Variants in BCAT2 observed in about 807,000 individuals in gnomAD.
BCAT2 encodes branched-chain-amino-acid aminotransferase, mitochondrial.
A neutral mutation model predicts 52.9 loss-of-function variants in BCAT2; 44 were observed. The observed-to-expected ratio is 0.83, with a 90% CI of 0.65 to 1.07. The LOEUF (loss-of-function observed/expected upper bound fraction) is 1.07. BCAT2 is among the 50% of genes least tolerant of loss of function. The pLI, the probability that BCAT2 is intolerant of heterozygous loss-of-function variation, is 0.00. For synonymous variants in BCAT2, 215 were observed against 217.1 expected (o/e 0.99, Z 0.08); for missense variants, 478 against 521.8 (o/e 0.92, Z 0.82).
intron 3 of BCAT2, among the ~76,000 whole-genome samples, chr19:48,803,033 C>T (rs866339184): frequency 6.6e-6 from 1 of 151,860 alleles, no homozygotes; most frequent in Non-Finnish European, 1.5e-5. Context: ...TGTCTTTGCA[C>T]AAGATTTAAA....
rs767981357 is a variant in BCAT2, at chr19:48,800,309, C to T, written c.301-12G>A. On this transcript the variant is annotated splice_polypyrimidine_tract_variant and intron_variant, in intron 3 of 10. Transcript: ENST00000316273. ...ATGCCCTCAAACAGCTGCGGGGACA[C>T]GCGGGTGGGGAGGCTCAGAGACTTC... is the stretch of plus-strand genomic sequence containing the variant. 168 of 1,611,698 alleles carry T rather than the reference C, an allele frequency of 1.0e-4. No individual in the cohort carries two copies. Among genetic ancestry groups the T allele is most frequent in the Non-Finnish European group, 1.3e-4 (152 of 1,179,442 alleles).
rs764427920 is a variant in BCAT2, at chr19:48,796,658, C to G, written c.985G>C (p.Glu329Gln). Residue 329 changes from glutamate to glutamine, a missense_variant, in exon 9 of 11, where the codon GAG (glutamate) becomes CAG (glutamine). Glu to Gln is a conservative substitution (Grantham distance 29, BLOSUM62 2). Transcript: ENST00000316273. ...CCAAAGACTTCCCGCACGCGGCCCT[C>G]CTCCAGGGCCCGCAGCAACTGCTTC... ...TMKQLLRALE[E>Q]GRVREVFGSG... 1 of 1,613,670 alleles carries G rather than the reference C, an allele frequency of 6.2e-7. No individual in the cohort carries two copies. Among genetic ancestry groups the G allele is most frequent in the Non-Finnish European group, 8.5e-7 (1 of 1,180,022 alleles).
Position 48,807,410 on chromosome 19 carries a change from G to C in BCAT2, c.25-336C>G, listed in dbSNP as rs1568511547. 4.1e-6 allele frequency: 1 copy of C among 242,844 alleles called. No homozygotes were observed. The highest frequency in any genetic ancestry group is 1.2e-4 in the East Asian group (1 of 8,100). The allele number at this position is 242,844 out of a possible 1,614,324, so 15.0% of individuals were successfully genotyped here. A position where few individuals can be genotyped will look rare whatever the true frequency, so the allele number is the denominator to read the frequency against. ...AGGGAAGGCACACAGGTAAGTGAAG[G>C]CCTCCGGGTACCCAAGTGCTGACAG... On this transcript the variant is annotated intron_variant, in intron 1 of 10. Coordinates refer to ENST00000316273, the MANE Select transcript of BCAT2 (RefSeq NM_001190.4). The surrounding 1 kb of genome is among the most constrained non-coding windows in gnomAD (Gnocchi z 4.6).
chr19:48,809,215 G>A (rs925121036), intron 1 of BCAT2, among the ~76,000 whole-genome samples: 6 of 151,840 alleles, frequency 4.0e-5, no homozygotes, highest in Admixed American at 1.3e-4. Flanking sequence ...ACAGTGAGCC[G>A]AGATCGTGCC....
At chr19:48,804,784 T>C (rs529723561) in intron 3 of BCAT2, among the ~76,000 whole-genome samples, 9 of 152,248 alleles carry the variant, frequency 5.9e-5, no homozygotes, top group African/African-American at 1.9e-4. Context: ...GGACAACTGC[T>C]GTGCTGGGCT....
chr19:48,803,674 C>T (rs1344788971), intron 3 of BCAT2, among the ~76,000 whole-genome samples: 1 of 151,934 alleles, frequency 6.6e-6, no homozygotes, highest in African/African-American at 2.4e-5. Context: ...ATGGTGAAAC[C>T]CCATCCCTAT....
At chr19:48,798,638 T>C (rs1034979937) in intron 6 of BCAT2, among the ~76,000 whole-genome samples, 1 of 151,886 alleles carries the variant, frequency 6.6e-6, no homozygotes, top group East Asian at 1.9e-4. Flanking sequence ...TTCTTTTTTT[T>C]TTTTGAGATG....
chr19:48,810,913 G>A (rs1036051626), intron 1 of BCAT2, 71 bp downstream of exon 1: 3 of 1,573,832 alleles, frequency 1.9e-6, no homozygotes, highest in Non-Finnish European at 2.6e-6. Context: ...CCGGCTGCAG[G>A]CCAGTGGTCT....
At position 48,807,266 on chromosome 19, in the gene BCAT2, A is replaced by G; in HGVS notation, c.25-192T>C. On this transcript the variant is annotated intron_variant, in intron 1 of 10. Transcript: ENST00000316273. This position sits in a 1 kb window ranked among gnomAD's most constrained non-coding sequence, Gnocchi z 4.6. ...CCCTGCCCTGACGAGGGCTCGCTGG[A>G]AAGAGCTGAGTCAGCTCCCGCCCCC... 1.8e-6 allele frequency: 1 copy of G among 549,910 alleles called. No individual in the cohort carries two copies. The highest frequency in any genetic ancestry group is 3.2e-6 in the Non-Finnish European group (1 of 311,818). The allele number at this position is 549,910 out of a possible 1,614,324, so 34.1% of individuals were successfully genotyped here.
chr19:48,795,262 T>TAG lies in BCAT2; in HGVS notation c.*163_*164insCT, dbSNP rs2034474594. 3.4e-6 allele frequency: 3 copies of TAG among 884,538 alleles called. No individual in the cohort carries two copies. The East Asian group carries it at 7.9e-5, about 23-fold the overall frequency. 54.8% of individuals were successfully genotyped at this position (884,538 alleles called of 1,614,324 possible). A position where few individuals can be genotyped will look rare whatever the true frequency, so the allele number is the denominator to read the frequency against. On this transcript the variant is annotated 3_prime_UTR_variant, in exon 11 of 11. Coordinates refer to ENST00000316273, the MANE Select transcript of BCAT2 (RefSeq NM_001190.4). ...GGGCCAAGATGCCTGGGTCGGCCCT[T>TAG]ACGGCTTTGGGAGTGTCGCAACCAC...
At chr19:48,797,805 TC>T (rs2034563041) in intron 6 of BCAT2, among the ~76,000 whole-genome samples, 1 of 143,914 alleles carries the variant, frequency 6.9e-6, no homozygotes, top group Non-Finnish European at 1.5e-5. Flanking sequence ...TTTCTTTTTT[TC>T]TTTTTTTCTT....
In BCAT2 at chr19:48,797,006, C is replaced by T. The variant is rs781496167; in HGVS notation, c.855G>A (p.Thr285=). ...GCAGGATAACACCATTCAGCGGGGGCGTCACCAGCTCCAGCACTAGGGCAG... is the reference window on the plus strand; with the variant it reads ...GCAGGATAACACCATTCAGCGGGGGTGTCACCAGCTCCAGCACTAGGGCAG... ...THEDGVLELV[T]PPLNGVILPG... is the part of the protein sequence containing the mutation. Residue 285 remains threonine (T), a synonymous_variant, in exon 8 of 11, where the codon ACG becomes ACA. Transcript: ENST00000316273. The T allele has an allele frequency of 1.9e-6, 3 of 1,614,024 alleles. No individual in the cohort carries two copies. The highest frequency in any genetic ancestry group is 1.3e-5 in the African/African-American group (1 of 74,914).
chr19:48,807,319 C>A lies in BCAT2; in HGVS notation c.25-245G>T. 4 of 428,642 alleles carry A rather than the reference C, an allele frequency of 9.3e-6. No homozygotes were observed. The highest frequency in any genetic ancestry group is 8.4e-6 in the Non-Finnish European group (2 of 237,036). The allele number at this position is 428,642 out of a possible 1,614,324, so 26.6% of individuals were successfully genotyped here. A position where few individuals can be genotyped will look rare whatever the true frequency, so the allele number is the denominator to read the frequency against. On this transcript the variant is annotated intron_variant, in intron 1 of 10. Coordinates refer to ENST00000316273, the MANE Select transcript of BCAT2 (RefSeq NM_001190.4). This position sits in a 1 kb window ranked among gnomAD's most constrained non-coding sequence, Gnocchi z 4.6. ...CTCCATGCTGCGGCAAAGTCAAACG[C>A]AAGCGCCTCCCACCCCAGAGACCTT... is the stretch of plus-strand genomic sequence containing the variant.
At chr19:48,808,255 C>CA in intron 1 of BCAT2, 1 of 985,602 alleles carries the variant, frequency 1.0e-6, no homozygotes, top group Non-Finnish European at 1.2e-6. Context: ...AGGGATAGGA[C>CA]ACCCACAGTA....
At chr19:48,808,236 T>G in intron 1 of BCAT2, 1 of 985,780 alleles carries the variant, frequency 1.0e-6, no homozygotes, top group Non-Finnish European at 1.2e-6. Flanking sequence ...CAGCCATGCT[T>G]CTGCCCAGAG....
At chr19:48,805,274 C>T (rs1364179743) in intron 3 of BCAT2, among the ~76,000 whole-genome samples, 1 of 152,108 alleles carries the variant, frequency 6.6e-6, no homozygotes, top group Non-Finnish European at 1.5e-5. Flanking sequence ...CCAGGTGCCA[C>T]AAAGCCGCTC....
At position 48,807,970 on chromosome 19, in the gene BCAT2, C is replaced by T; in HGVS notation, c.25-896G>A. The T allele has an allele frequency of 1.0e-6, 1 of 986,010 alleles. No homozygotes were observed. The highest frequency in any genetic ancestry group is 1.2e-6 in the Non-Finnish European group (1 of 830,272). The allele number at this position is 986,010 out of a possible 1,614,324, so 61.1% of individuals were successfully genotyped here. ...ACCTCACAAGGCCTCTTTCCCCAGC[C>T]CTGTGGGGAGGCGTTGGGGCGTGAG... On this transcript the variant is annotated intron_variant, in intron 1 of 10. Transcript: ENST00000316273. The surrounding 1 kb of genome is among the most constrained non-coding windows in gnomAD (Gnocchi z 4.6).
chr19:48,796,126 C>T (rs1030093286), intron 10 of BCAT2: 15 of 507,340 alleles, frequency 3.0e-5, no homozygotes, highest in Non-Finnish European at 4.8e-5. Flanking sequence ...CAGAGGCCCA[C>T]GGAGAGGGGG....
chr19:48,808,116 TG>T (rs1194825406), intron 1 of BCAT2: 4 of 987,072 alleles, frequency 4.1e-6, no homozygotes, highest in Non-Finnish European at 4.8e-6. Context: ...TGCTGGGAGA[TG>T]GGCCTGCAGC....
Sources: gnomAD v4.1 joint callset for allele counts (sites outside exome capture counted in the v4.1 genomes callset) on GRCh38, gnomAD v4.1.1 for gene constraint, Gnocchi (gnomAD v3.1) non-coding constraint, MANE v1.5 for transcripts, NCBI Gene and HGNC (gene_info 2026-07-23, HGNC 2026-07-21) for gene names.